GALNT11: variants seen among roughly 807,000 people sequenced by gnomAD.
The protein encoded by GALNT11 is polypeptide N-acetylgalactosaminyltransferase 11.
A neutral mutation model predicts 72.7 loss-of-function variants in GALNT11; 47 were observed. The observed-to-expected ratio is 0.65, with a 90% CI of 0.51 to 0.82. The LOEUF (loss-of-function observed/expected upper bound fraction) is 0.82, where lower values mean the gene tolerates loss of function less well. Among genes scored for constraint, GALNT11 ranks in the 40% least tolerant of loss-of-function variants. The pLI, the probability that GALNT11 is intolerant of heterozygous loss-of-function variation, is 0.00. For synonymous variants in GALNT11, 270 were observed against 286.6 expected (o/e 0.94, Z 0.58); for missense variants, 677 against 778.4 (o/e 0.87, Z 1.55).
intron 1 of GALNT11, among the ~76,000 whole-genome samples, chr7:152,048,859 G>A (rs1187126115): frequency 6.6e-6 from 1 of 151,262 alleles, no homozygotes; most frequent in East Asian, 2.0e-4. Context: ...CAAATGGCCT[G>A]TCTTCAAGTT....
At position 152,099,756 on chromosome 7, in the gene GALNT11, CT is replaced by C. The variant is rs959548417; in HGVS notation, c.296-1019del. 8.8e-3 allele frequency among the ~76,000 whole-genome samples: 784 copies of C among 88,710 alleles called. 1 individual carries two copies. Among genetic ancestry groups the C allele is most frequent in the African/African-American group, 0.028 (587 of 20,602 alleles). 58.2% of individuals were successfully genotyped at this position (88,710 alleles called of 152,430 possible). ...GACAGTTAAACCAGAAACTGTGAAG[CT>C]TTTTTTTTTTTTTTTTTTTTTTGAA... On this transcript the variant is annotated intron_variant, in intron 2 of 11. Transcript: ENST00000430044.
chr7:152,100,688 T>C (rs1452700672), intron 2 of GALNT11, 110 bp from the exon 3 acceptor site: 1 of 1,321,388 alleles, frequency 7.6e-7, no homozygotes, highest in Non-Finnish European at 1.0e-6. Flanking sequence ...AGAAAAGAGA[T>C]ATTAGATTAT....
In GALNT11 at chr7:152,121,703, C is replaced by G. The variant is rs747012659; in HGVS notation, c.*26C>G. On this transcript the variant is annotated 3_prime_UTR_variant, in exon 12 of 12. Coordinates refer to ENST00000430044, the MANE Select transcript of GALNT11 (RefSeq NM_022087.4). ...GGTGGATGCTGTGGTGGGAACGTTG[C>G]TTCATCAGGCGTTGCCTCCGGTGTG... The G allele has an allele frequency of 6.2e-7, 1 of 1,604,862 alleles. No individual in the cohort carries two copies. The highest frequency in any genetic ancestry group is 8.5e-7 in the Non-Finnish European group (1 of 1,174,090).
rs149438060 is a variant in GALNT11, at chr7:152,108,121, C to G, written c.796C>G (p.Arg266Gly). ...CTTGCTGGCCGCCATCCGTGAGGAC[C>G]GGCACACCGTGGTGTGCCCAGTGAT... The part of the protein sequence containing the change: ...QPLLAAIRED[R>G]HTVVCPVIDI... Residue 266 changes from arginine to glycine, a missense_variant, in exon 6 of 12, where the codon CGG becomes GGG. Arg to Gly is a moderately radical substitution (Grantham distance 125). Coordinates refer to ENST00000430044, the MANE Select transcript of GALNT11 (RefSeq NM_022087.4). The G allele has an allele frequency of 5.8e-5, 93 of 1,614,006 alleles. No homozygotes were observed. The African/African-American group carries it at 9.6e-4, about 17-fold the overall frequency.
chr7:152,076,157 G>A (rs1304318913), intron 1 of GALNT11, among the ~76,000 whole-genome samples: 2 of 148,794 alleles, frequency 1.3e-5, no homozygotes, highest in Middle Eastern at 6.5e-3. Context: ...ATATGTTACT[G>A]CTTTTCAGAA....
At chr7:152,045,671 CT>C (rs1554418133) in intron 1 of GALNT11, among the ~76,000 whole-genome samples, 3 of 151,454 alleles carry the variant, frequency 2.0e-5, no homozygotes, top group Non-Finnish European at 4.4e-5. Flanking sequence ...TGGGGCTTCT[CT>C]TTTTTTTCAT....
intron 1 of GALNT11, among the ~76,000 whole-genome samples, chr7:152,066,550 T>C (rs895289123): frequency 9.9e-5 from 15 of 152,256 alleles, no homozygotes; most frequent in African/African-American, 3.6e-4. Flanking sequence ...AGCTGTAGAC[T>C]GGAGCTGTTC....
chr7:152,070,221 C>T (rs1434563807), intron 1 of GALNT11, among the ~76,000 whole-genome samples: 1 of 152,154 alleles, frequency 6.6e-6, no homozygotes, highest in Non-Finnish European at 1.5e-5. Context: ...TGGTCTCGAT[C>T]TCCTGACCTC....
intron 1 of GALNT11, among the ~76,000 whole-genome samples, chr7:152,091,120 T>G (rs1360878228): frequency 3.3e-5 from 2 of 61,000 alleles, no homozygotes; most frequent in African/African-American, 7.1e-5. Flanking sequence ...CGATCTCGGC[T>G]CACTGCAACC....
intron 1 of GALNT11, among the ~76,000 whole-genome samples, chr7:152,090,910 G>A (rs964754237): frequency 6.6e-6 from 1 of 152,118 alleles, no homozygotes; most frequent in African/African-American, 2.4e-5. Flanking sequence ...GTGTATAGCT[G>A]GAGACTGAAA....
At chr7:152,105,559 T>C (rs1361029510) in intron 5 of GALNT11, among the ~76,000 whole-genome samples, 189 bp downstream of exon 5, 1 of 152,220 alleles carries the variant, frequency 6.6e-6, no homozygotes, top group Non-Finnish European at 1.5e-5. Context: ...CCAAAGCACA[T>C]AGTGCAGGGG....
chr7:152,094,580 A>T lies in GALNT11; in HGVS notation c.295+58A>T. On this transcript the variant is annotated intron_variant, in intron 2 of 11. Coordinates refer to ENST00000430044, the MANE Select transcript of GALNT11 (RefSeq NM_022087.4). This position sits in a 1 kb window ranked among gnomAD's most constrained non-coding sequence, Gnocchi z 4.3. ...AATGTATTTAATCACTGGAAGTTTG[A>T]TTAATTAGTTAATTAGGAGATCAGA... 6.7e-7 allele frequency: 1 copy of T among 1,497,508 alleles called. No homozygotes were observed. Among genetic ancestry groups the T allele is most frequent in the Non-Finnish European group, 8.9e-7 (1 of 1,118,448 alleles). 92.8% of individuals were successfully genotyped at this position (1,497,508 alleles called of 1,614,324 possible). A position where few individuals can be genotyped will look rare whatever the true frequency, so the allele number is the denominator to read the frequency against.
At chr7:152,111,628 G>GTGTATATATATATA (rs553453480) in intron 7 of GALNT11, among the ~76,000 whole-genome samples, 7 of 144,826 alleles carry the variant, frequency 4.8e-5, no homozygotes, top group African/African-American at 1.9e-4. Context: ...GTGTGTGTGT[G>GTGTATATATATATA]TATATATATA....
At chr7:152,041,258 T>C (rs1452587383) in intron 1 of GALNT11, among the ~76,000 whole-genome samples, 1 of 152,216 alleles carries the variant, frequency 6.6e-6, no homozygotes, top group East Asian at 1.9e-4. Flanking sequence ...ATCGGGTCTC[T>C]CCACCAAACC....
intron 1 of GALNT11, among the ~76,000 whole-genome samples, chr7:152,066,329 C>T (rs1312389742): frequency 6.6e-6 from 1 of 152,168 alleles, no homozygotes; most frequent in Admixed American, 6.5e-5. Flanking sequence ...TTCAAGGTAC[C>T]GTCTGTTACA....
chr7:152,048,216 A>G (rs1229406414), intron 1 of GALNT11, among the ~76,000 whole-genome samples: 1 of 151,912 alleles, frequency 6.6e-6, no homozygotes, highest in Non-Finnish European at 1.5e-5. Flanking sequence ...GGCACTTTAA[A>G]TAGGCCACTC....
intron 8 of GALNT11, among the ~76,000 whole-genome samples, chr7:152,116,485 T>A (rs1395698361): frequency 1.3e-5 from 2 of 152,166 alleles, no homozygotes; most frequent in Non-Finnish European, 2.9e-5. Flanking sequence ...GTGATCCGCC[T>A]GCCTTGGCCT....
At chr7:152,097,626 A>C (rs746608128) in intron 2 of GALNT11, among the ~76,000 whole-genome samples, 13 of 152,256 alleles carry the variant, frequency 8.5e-5, no homozygotes, top group Non-Finnish European at 1.3e-4. Context: ...ATGAAGGGAT[A>C]AACTAAGTGT....
chr7:152,075,987 G>C (rs2084941444), intron 1 of GALNT11, among the ~76,000 whole-genome samples: 1 of 147,032 alleles, frequency 6.8e-6, no homozygotes, highest in Non-Finnish European at 1.5e-5. Flanking sequence ...GCGTGAAGCC[G>C]GGAGGTGGAG....
Sources: allele counts gnomAD v4.1 joint callset (sites outside exome capture counted in the v4.1 genomes callset), GRCh38; gene constraint gnomAD v4.1.1; non-coding constraint Gnocchi (gnomAD v3.1); transcripts MANE v1.5; gene names NCBI Gene and HGNC (gene_info 2026-07-23, HGNC 2026-07-21).